The following NEDD4L variants were observed in gnomAD, a reference collection of about 807,000 sequenced individuals.
NEDD4L encodes the protein NEDD4 like E3 ubiquitin protein ligase.
In NEDD4L, 54 loss-of-function variants were observed where a neutral mutation model predicts 148.9. The observed-to-expected ratio is 0.36, with a 90% CI of 0.29 to 0.45. The LOEUF is 0.45. NEDD4L is among the 20% of genes least tolerant of loss of function. The pLI is 1.00. For synonymous variants in NEDD4L, 433 were observed against 440.7 expected, an observed-to-expected ratio of 0.98 and a Z score of 0.22; for missense variants, 856 against 1,233.8, an observed-to-expected ratio of 0.69 and a Z score of 4.59.
chr18:58,342,856 A>G (rs1255707799), intron 15 of NEDD4L, 50 bp from the exon 16 acceptor site: 1 of 1,424,204 alleles, frequency 7.0e-7, no homozygotes, highest in Non-Finnish European at 9.3e-7. Flanking sequence ...ATTTTGGCAC[A>G]TTGGAATCGC....
chr18:58,052,333 A>C (rs994653478), intron 1 of NEDD4L, among the ~76,000 whole-genome samples: 11 of 152,196 alleles, frequency 7.2e-5, no homozygotes, highest in Non-Finnish European at 1.6e-4. Flanking sequence ...GAATCTCACT[A>C]TGATTGTAAT....
chr18:58,086,390 G>C (rs59898238), intron 1 of NEDD4L, among the ~76,000 whole-genome samples: 11,249 of 152,228 alleles, frequency 0.074, 527 homozygotes, highest in East Asian at 0.17. Context: ...CTGGATGTGG[G>C]TGTGGCAGGG....
chr18:58,062,312 C>T (rs7244473), intron 1 of NEDD4L, among the ~76,000 whole-genome samples: 122,764 of 151,964 alleles, frequency 0.81, 50,149 homozygotes, highest in East Asian at 1. Flanking sequence ...TGAAAGGTGC[C>T]GGCTCAGGTG....
At chr18:58,142,679 C>T (rs919861419) in intron 1 of NEDD4L, among the ~76,000 whole-genome samples, 3 of 152,164 alleles carry the variant, frequency 2.0e-5, no homozygotes, top group African/African-American at 7.2e-5. Context: ...TGTATGTGTT[C>T]AGGAGATCTC....
chr18:58,219,166 A>G (rs564209706), intron 2 of NEDD4L, among the ~76,000 whole-genome samples: 12 of 152,332 alleles, frequency 7.9e-5, no homozygotes, highest in Non-Finnish European at 1.3e-4. Flanking sequence ...GGAAAATGAC[A>G]TAGGTGGCAG....
intron 2 of NEDD4L, among the ~76,000 whole-genome samples, chr18:58,234,042 T>C (rs1163482109): frequency 6.7e-6 from 1 of 149,688 alleles, no homozygotes; most frequent in Non-Finnish European, 1.5e-5. Context: ...CTCATTTCTT[T>C]CCTTTTCTTT....
At chr18:58,062,270 T>G (rs13380982) in intron 1 of NEDD4L, among the ~76,000 whole-genome samples, 11,947 of 152,032 alleles carry the variant, frequency 0.079, 591 homozygotes, top group African/African-American at 0.14. Flanking sequence ...GAGTGTGAGG[T>G]CTCTGTACTT....
chr18:58,365,093 C>G (rs2045943636), intron 20 of NEDD4L, among the ~76,000 whole-genome samples: 1 of 152,236 alleles, frequency 6.6e-6, no homozygotes, highest in African/African-American at 2.4e-5. Flanking sequence ...GCCTCCTCCC[C>G]TCAGCTGGTT....
chr18:58,138,168 T>C (rs768320044), intron 1 of NEDD4L, among the ~76,000 whole-genome samples: 20 of 152,240 alleles, frequency 1.3e-4, no homozygotes, highest in Non-Finnish European at 2.5e-4. Context: ...TGAGTGGTGC[T>C]ACTTTCTTCT....
chr18:58,309,570 G>A (rs1480174714), intron 5 of NEDD4L, among the ~76,000 whole-genome samples: 1 of 152,002 alleles, frequency 6.6e-6, no homozygotes, highest in African/African-American at 2.4e-5. Context: ...TGAAGGAGCT[G>A]ATGAGGAAAA....
intron 1 of NEDD4L, among the ~76,000 whole-genome samples, chr18:58,080,701 G>A (rs144659473): frequency 5.1e-4 from 77 of 152,314 alleles, no homozygotes; most frequent in Non-Finnish European, 8.5e-4. Flanking sequence ...CGAGAGGGTG[G>A]TGTGTGTGTT....
At chr18:58,361,012 C>G (rs1271967563) in intron 19 of NEDD4L, among the ~76,000 whole-genome samples, 1 of 152,104 alleles carries the variant, frequency 6.6e-6, no homozygotes, top group African/African-American at 2.4e-5. Context: ...GGTAAGCTTC[C>G]TTGCAACTTC....
chr18:58,047,506 A>C, intron 1 of NEDD4L: 1 of 985,428 alleles, frequency 1.0e-6, no homozygotes, highest in Non-Finnish European at 1.2e-6. Context: ...TCCACTTTGT[A>C]GAAGGTAAGG....
chr18:58,347,204 G>C (rs1257934131), intron 16 of NEDD4L, among the ~76,000 whole-genome samples: 1 of 22,588 alleles, frequency 4.4e-5, no homozygotes, highest in Non-Finnish European at 1.0e-4. Flanking sequence ...TTCACGCTAC[G>C]GCCCCCCCCG....
intron 1 of NEDD4L, among the ~76,000 whole-genome samples, chr18:58,144,114 T>C (rs1330727627): frequency 8.2e-6 from 1 of 122,150 alleles, no homozygotes; most frequent in Non-Finnish European, 1.8e-5. Context: ...GAGAGCAGCA[T>C]TAAAAAAAAA....
intron 1 of NEDD4L, among the ~76,000 whole-genome samples, chr18:58,158,328 A>G (rs756796423): frequency 6.6e-6 from 1 of 152,108 alleles, no homozygotes; most frequent in Non-Finnish European, 1.5e-5. Context: ...ACACACTGTC[A>G]CCTCTTCCAT....
intron 1 of NEDD4L, among the ~76,000 whole-genome samples, chr18:58,145,251 G>A (rs991598097): frequency 2.2e-4 from 34 of 152,260 alleles, no homozygotes; most frequent in African/African-American, 7.9e-4. Context: ...AAGTGCCAAG[G>A]GACAGACAAG....
At chr18:58,340,023 C>A (rs1339774472) in intron 13 of NEDD4L, among the ~76,000 whole-genome samples, 1 of 152,180 alleles carries the variant, frequency 6.6e-6, no homozygotes, top group Admixed American at 6.5e-5. Context: ...GGCATGGGCT[C>A]CTCCTATACC....
chr18:58,170,154 T>C (rs1285092000), intron 2 of NEDD4L, among the ~76,000 whole-genome samples: 1 of 151,710 alleles, frequency 6.6e-6, no homozygotes, highest in East Asian at 1.9e-4. Context: ...AGTCACTAAA[T>C]ATGCCATGAA....
Sources: gnomAD v4.1 joint callset for allele counts (sites outside exome capture counted in the v4.1 genomes callset) on GRCh38, gnomAD v4.1.1 for gene constraint, MANE v1.5 for transcripts, NCBI Gene and HGNC (gene_info 2026-07-23, HGNC 2026-07-21) for gene names.